The following GALNTL6 variants were observed in gnomAD, a reference collection of about 807,000 sequenced individuals.
GALNTL6 encodes the protein polypeptide N-acetylgalactosaminyltransferase-like 6.
GALNTL6 carries 46 observed loss-of-function variants against 73.7 expected under a neutral mutation model. The observed-to-expected ratio is 0.62, with a 90% confidence interval of 0.49 to 0.80. The LOEUF is 0.80. GALNTL6 is among the 30% of genes least tolerant of loss of function. The pLI is 0.00. For missense variants in GALNTL6, 604 were observed against 755.0 expected, an observed-to-expected ratio of 0.80 and a Z score of 2.34; for synonymous variants, 259 against 263.7, an observed-to-expected ratio of 0.98 and a Z score of 0.17.
At chr4:172,716,901 TTA>T (rs1401925037) in intron 5 of GALNTL6, among the ~76,000 whole-genome samples, 1 of 152,218 alleles carries the variant, frequency 6.6e-6, no homozygotes, top group East Asian at 1.9e-4. Context: ...TAGTTGGAGT[TTA>T]TGTCATTTTT....
intron 5 of GALNTL6, among the ~76,000 whole-genome samples, chr4:172,694,718 G>A (rs1733576668): frequency 1.3e-5 from 2 of 152,216 alleles, no homozygotes; most frequent in South Asian, 2.1e-4. Context: ...GCTGAGATCT[G>A]TAGACTTGGG....
At chr4:172,585,040 A>T (rs977249030) in intron 5 of GALNTL6, among the ~76,000 whole-genome samples, 1 of 152,214 alleles carries the variant, frequency 6.6e-6, no homozygotes, top group African/African-American at 2.4e-5. Context: ...AGTACTGCCA[A>T]GAAGTCAGCA....
At chr4:171,815,939 A>G (rs1734513466) in intron 2 of GALNTL6, 1 of 152,172 alleles carries the variant, frequency 6.6e-6, no homozygotes, top group Non-Finnish European at 1.5e-5. Flanking sequence ...TATTTCGAGG[A>G]AAAATGTTGA....
intron 5 of GALNTL6, among the ~76,000 whole-genome samples, chr4:172,683,318 T>C (rs1732733745): frequency 6.6e-6 from 1 of 152,216 alleles, no homozygotes; most frequent in Non-Finnish European, 1.5e-5. Context: ...GGAGGAGATA[T>C]CTATTCACTT....
At chr4:171,997,950 A>C (rs1740541497) in intron 2 of GALNTL6, among the ~76,000 whole-genome samples, 1 of 151,964 alleles carries the variant, frequency 6.6e-6, no homozygotes, top group African/African-American at 2.4e-5. Flanking sequence ...GGTGCCTCTT[A>C]CTCTTATATG....
intron 5 of GALNTL6, among the ~76,000 whole-genome samples, chr4:172,684,262 C>A (rs147931647): frequency 5.6e-4 from 85 of 152,320 alleles, no homozygotes; most frequent in African/African-American, 2.0e-3. Context: ...AGATTCCAGA[C>A]TTCCATCTAC....
At chr4:172,364,559 A>G (rs1045996278) in intron 5 of GALNTL6, among the ~76,000 whole-genome samples, 1 of 152,238 alleles carries the variant, frequency 6.6e-6, no homozygotes, top group Non-Finnish European at 1.5e-5. Flanking sequence ...TTTGAATTCT[A>G]AGAGCATGAA....
At chr4:172,969,324 G>T (rs576025680) in intron 10 of GALNTL6, among the ~76,000 whole-genome samples, 1 of 152,100 alleles carries the variant, frequency 6.6e-6, no homozygotes, top group East Asian at 1.9e-4. Flanking sequence ...AGAACAAAAA[G>T]AATTTGTCAA....
intron 2 of GALNTL6, among the ~76,000 whole-genome samples, chr4:171,849,934 G>T (rs1017017157): frequency 2.0e-5 from 3 of 152,188 alleles, no homozygotes; most frequent in African/African-American, 7.2e-5. Context: ...GAATAAATGT[G>T]CATGTTGCAT....
chr4:172,894,478 T>C (rs1746215948), intron 8 of GALNTL6, among the ~76,000 whole-genome samples: 1 of 152,222 alleles, frequency 6.6e-6, no homozygotes, highest in South Asian at 2.1e-4. Flanking sequence ...GCATATTGTT[T>C]CCATGTACTG....
chr4:172,758,072 G>A (rs13134091), intron 5 of GALNTL6, among the ~76,000 whole-genome samples: 43,722 of 151,914 alleles, frequency 0.29, 6,727 homozygotes, highest in Middle Eastern at 0.45. Flanking sequence ...GAGGTAACCA[G>A]TATCATAAAG....
chr4:172,858,104 T>G (rs1308056717), intron 7 of GALNTL6, among the ~76,000 whole-genome samples: 1 of 152,180 alleles, frequency 6.6e-6, no homozygotes, highest in Non-Finnish European at 1.5e-5. Flanking sequence ...TTTCCCAAAA[T>G]GCATTTTTCA....
chr4:172,807,862 G>A (rs1325861947), intron 5 of GALNTL6, among the ~76,000 whole-genome samples: 1 of 152,110 alleles, frequency 6.6e-6, no homozygotes, highest in East Asian at 1.9e-4. Flanking sequence ...TCACTCTATT[G>A]CCCAGGCTGG....
At chr4:172,129,217 A>T (rs913482627) in intron 2 of GALNTL6, among the ~76,000 whole-genome samples, 9 of 152,206 alleles carry the variant, frequency 5.9e-5, no homozygotes, top group African/African-American at 9.7e-5. Context: ...CATTATCTTA[A>T]TACAAATAAA....
intron 5 of GALNTL6, among the ~76,000 whole-genome samples, chr4:172,404,836 C>T (rs1440008092): frequency 1.3e-5 from 2 of 152,040 alleles, no homozygotes; most frequent in East Asian, 3.9e-4. Context: ...TTCTCTAAAT[C>T]AGCCTGATTG....
chr4:172,442,891 T>G (rs1024222214), intron 5 of GALNTL6, among the ~76,000 whole-genome samples: 1 of 151,752 alleles, frequency 6.6e-6, no homozygotes, highest in Non-Finnish European at 1.5e-5. Context: ...TTAAAGCAAA[T>G]AGAGATGATA....
chr4:172,824,498 G>GTA (rs771298717), intron 7 of GALNTL6, among the ~76,000 whole-genome samples: 1 of 151,872 alleles, frequency 6.6e-6, no homozygotes, highest in Non-Finnish European at 1.5e-5. Context: ...GTGTATGTGA[G>GTA]TATATATATT....
At chr4:172,345,431 C>G (rs1378162738) in intron 4 of GALNTL6, among the ~76,000 whole-genome samples, 3 of 152,146 alleles carry the variant, frequency 2.0e-5, no homozygotes, top group Non-Finnish European at 4.4e-5. Context: ...CTAGAGATGT[C>G]TCTGAGTAGA....
chr4:172,173,447 G>A (rs1001287679), intron 2 of GALNTL6, among the ~76,000 whole-genome samples: 3 of 152,278 alleles, frequency 2.0e-5, no homozygotes, highest in Middle Eastern at 6.8e-3. Flanking sequence ...GCAGCTTGTC[G>A]AGGCACACAG....
Sources: allele counts gnomAD v4.1 joint callset (sites outside exome capture counted in the v4.1 genomes callset), GRCh38; gene constraint gnomAD v4.1.1; transcripts MANE v1.5; gene names NCBI Gene and HGNC (gene_info 2026-07-23, HGNC 2026-07-21).